Variants in CACNA1I observed in about 807,000 individuals in gnomAD.
CACNA1I encodes the protein calcium voltage-gated channel subunit alpha1 I.
A neutral mutation model predicts 201.6 loss-of-function variants in CACNA1I; 74 were observed. The observed-to-expected ratio is 0.37, with a 90% CI of 0.30 to 0.45. The LOEUF (loss-of-function observed/expected upper bound fraction) is 0.45. CACNA1I is among the 20% of genes least tolerant of loss of function. The probability of loss-of-function intolerance (pLI) is 1.00; values close to 1 mark genes in which losing one functional copy is unlikely to be tolerated. For missense variants in CACNA1I, 2,346 were observed against 3,138.1 expected (o/e 0.75, Z 6.03); for synonymous variants, 1,431 against 1,345.2 (o/e 1.06, Z -1.40).
chr22:39,676,776 G>T lies in CACNA1I; in HGVS notation c.4855-565G>T, dbSNP rs932608934. ...AGATTTCCCAGACCAGCAGATGACA[G>T]TGACAGGGATAAGTGCATTTCGGTG... On this transcript the variant is annotated intron_variant, in intron 29 of 36. Coordinates refer to ENST00000402142, the MANE Select transcript of CACNA1I (RefSeq NM_021096.4). This position sits in a 1 kb window ranked among gnomAD's most constrained non-coding sequence, Gnocchi z 4.8. Among the ~76,000 whole-genome samples, 1 of 152,214 alleles carries T rather than the reference G, an allele frequency of 6.6e-6. No homozygotes were observed. The highest frequency in any genetic ancestry group is 1.5e-5 in the Non-Finnish European group (1 of 68,044).
chr22:39,607,190 C>T (rs772075178), intron 3 of CACNA1I, among the ~76,000 whole-genome samples: 2 of 152,114 alleles, frequency 1.3e-5, no homozygotes, highest in Non-Finnish European at 2.9e-5. Flanking sequence ...GAACAGGAGG[C>T]GCCTTACATC....
chr22:39,613,094 A>G (rs970425683), intron 3 of CACNA1I, among the ~76,000 whole-genome samples: 1 of 152,240 alleles, frequency 6.6e-6, no homozygotes, highest in Non-Finnish European at 1.5e-5. Flanking sequence ...TCAGCCACAC[A>G]CAGAAATCAT....
chr22:39,611,630 C>T (rs983861228), intron 3 of CACNA1I, among the ~76,000 whole-genome samples: 24 of 152,210 alleles, frequency 1.6e-4, no homozygotes, highest in African/African-American at 5.8e-4. Flanking sequence ...AGGCAGACAT[C>T]ATGAGGCATA....
At chr22:39,633,361 C>T (rs577892898) in intron 4 of CACNA1I, among the ~76,000 whole-genome samples, 17 of 152,128 alleles carry the variant, frequency 1.1e-4, no homozygotes, top group Non-Finnish European at 2.2e-4. Context: ...TAGAATAAGA[C>T]GAGATATTGA....
chr22:39,686,169 G>C lies in CACNA1I; in HGVS notation c.6436G>C (p.Gly2146Arg). 8.1e-7 allele frequency: 1 copy of C among 1,233,728 alleles called. No homozygotes were observed. The highest frequency in any genetic ancestry group is 1.0e-6 in the Non-Finnish European group (1 of 986,278). The allele number at this position is 1,233,728 out of a possible 1,614,324, so 76.4% of individuals were successfully genotyped here. ...FCPPPPPPAP[G>R]LTPARKFSST... ...CCCGCCGCCCCCGCCGCCAGCCCCC[G>C]GCCTCACGCCCGCCAGGAAGTTCAG... The change falls in exon 37 of 37, where the codon GGC becomes CGC. Residue 2146 changes from glycine (G) to arginine (R), a missense_variant. Transcript: ENST00000402142.
At position 39,659,617 on chromosome 22, in the gene CACNA1I, G is replaced by A; in HGVS notation, c.2448+67G>A. On this transcript the variant is annotated intron_variant, in intron 13 of 36. Transcript: ENST00000402142. The surrounding 1 kb of genome is among the most constrained non-coding windows in gnomAD (Gnocchi z 4.3). ...GGGACAGTAGGCCTGGGAGGGGCGG[G>A]GCTGACAACTCCCATGCCTCCTTGT... The A allele has an allele frequency of 1.2e-6, 2 of 1,601,488 alleles. No individual in the cohort carries two copies. The highest frequency in any genetic ancestry group is 1.7e-6 in the Non-Finnish European group (2 of 1,169,044).
At chr22:39,611,399 G>T (rs193222494) in intron 3 of CACNA1I, among the ~76,000 whole-genome samples, 2 of 152,248 alleles carry the variant, frequency 1.3e-5, no homozygotes, top group African/African-American at 4.8e-5. Flanking sequence ...ACATGAAGGG[G>T]TTGTACATTT....
chr22:39,582,317 A>G (rs1271752490), intron 1 of CACNA1I, among the ~76,000 whole-genome samples: 3 of 152,030 alleles, frequency 2.0e-5, no homozygotes, highest in Admixed American at 2.0e-4. Context: ...AATCGGGGTG[A>G]CTTTGCCTGC....
chr22:39,585,985 C>G (rs893703557), intron 1 of CACNA1I, among the ~76,000 whole-genome samples: 1 of 151,872 alleles, frequency 6.6e-6, no homozygotes, highest in Non-Finnish European at 1.5e-5. Flanking sequence ...TGAGACTCTC[C>G]TGGCCAACAT....
chr22:39,632,016 G>A (rs999831234), intron 4 of CACNA1I, among the ~76,000 whole-genome samples: 4 of 152,144 alleles, frequency 2.6e-5, no homozygotes, highest in Non-Finnish European at 4.4e-5. Context: ...AGAGTGAGGC[G>A]GGTCGGGGAG....
Position 39,598,139 on chromosome 22 carries a change from C to T in CACNA1I, c.237-12C>T. ...ATCCCACCTGCTGCTTTGTCCTTGACTTGGTGTGCACGTGGTTTGAATGTG... is the reference window on the plus strand; with the variant it reads ...ATCCCACCTGCTGCTTTGTCCTTGATTTGGTGTGCACGTGGTTTGAATGTG... On this transcript the variant is annotated splice_polypyrimidine_tract_variant and intron_variant, in intron 1 of 36. Coordinates refer to ENST00000402142, the MANE Select transcript of CACNA1I (RefSeq NM_021096.4). The T allele has an allele frequency of 6.4e-7, 1 of 1,553,978 alleles. No individual in the cohort carries two copies. The highest frequency in any genetic ancestry group is 1.2e-5 in the South Asian group (1 of 85,888).
chr22:39,578,008 TG>T (rs1223532060), intron 1 of CACNA1I, among the ~76,000 whole-genome samples: 1 of 137,300 alleles, frequency 7.3e-6, no homozygotes, highest in Non-Finnish European at 1.5e-5. Context: ...AAGTGCTGAG[TG>T]GCAGCTGTGT....
chr22:39,577,680 G>A (rs1932404921), intron 1 of CACNA1I, among the ~76,000 whole-genome samples: 1 of 152,258 alleles, frequency 6.6e-6, no homozygotes, highest in African/African-American at 2.4e-5. Context: ...CCGTCGAGAG[G>A]CGCCTGTGGG....
At position 39,661,178 on chromosome 22, in the gene CACNA1I, C is replaced by G. The variant is rs1934995869; in HGVS notation, c.2769C>G (p.His923Gln). The G allele has an allele frequency of 1.2e-6, 2 of 1,612,996 alleles. No individual in the cohort carries two copies. The highest frequency in any genetic ancestry group is 1.7e-6 in the Non-Finnish European group (2 of 1,179,724). The change falls in exon 16 of 37, where the codon CAC (histidine) becomes CAG (glutamine). Residue 923 changes from histidine to glutamine, a missense_variant. Physicochemically the swap from His to Gln is conservative, Grantham distance 24 (BLOSUM62 0). This residue lies in a region of CACNA1I where 92 missense variants were observed against 114.5 expected (regional missense o/e 0.80). Transcript: ENST00000402142. ...ACCCCAGTCTCCCACTGGGTGGGCA[C>G]CTAGGTCCTGCTGGGGCTGCGGGAC... Reference protein sequence around the residue: ...HLDPSLPLGGHLGPAGAAGPA... With the variant: ...HLDPSLPLGGQLGPAGAAGPA...
At chr22:39,597,592 G>C (rs551906336) in intron 1 of CACNA1I, among the ~76,000 whole-genome samples, 23 of 152,364 alleles carry the variant, frequency 1.5e-4, no homozygotes, top group Middle Eastern at 3.4e-3. Flanking sequence ...GGCTGGGCTT[G>C]GTGCGGGTGT....
In CACNA1I at chr22:39,625,835, G is replaced by A. The variant is rs1271086964; in HGVS notation, c.580+6428G>A. Among the ~76,000 whole-genome samples, 5 of 112,436 alleles carry A rather than the reference G, an allele frequency of 4.4e-5. No homozygotes were observed. The South Asian group carries it at 1.5e-3, about 33-fold the overall frequency. The allele number at this position is 112,436 out of a possible 152,430, so 73.8% of individuals were successfully genotyped here. On this transcript the variant is annotated intron_variant, in intron 4 of 36. Transcript: ENST00000402142. ...CTGAATTATCTCTAAATGTGCCCCC[G>A]CCCCACCCCACCCCCAGCCTGTACA...
intron 10 of CACNA1I, among the ~76,000 whole-genome samples, chr22:39,650,325 A>C (rs145536093): frequency 2.6e-5 from 4 of 151,984 alleles, no homozygotes; most frequent in African/African-American, 9.7e-5. Context: ...AAAAAAATTT[A>C]AAAAACAGAT....
intron 34 of CACNA1I, 95 bp downstream of exon 34, chr22:39,681,147 C>G (rs1048442084): frequency 3.6e-6 from 5 of 1,391,322 alleles, no homozygotes; most frequent in Non-Finnish European, 3.8e-6. Flanking sequence ...TCCAGTCTAC[C>G]ATGTAAACGG....
Position 39,673,079 on chromosome 22 carries a change from C to A in CACNA1I, c.4780C>A (p.Arg1594=). The change falls in exon 28 of 37, where the codon CGA becomes AGA. Residue 1594 remains arginine (R), a synonymous_variant. Coordinates refer to ENST00000402142, the MANE Select transcript of CACNA1I (RefSeq NM_021096.4). ...IRIMRVLRIA[R]VLKLLKMATG... is the part of the protein sequence containing the mutation. The stretch of plus-strand genomic sequence containing the variant: ...CATCATGAGGGTTCTGCGCATTGCC[C>A]GAGGTGAGGGGCAAGGGGTGGGACA... The A allele has an allele frequency of 1.3e-6, 2 of 1,590,358 alleles. No homozygotes were observed. Among genetic ancestry groups the A allele is most frequent in the African/African-American group, 2.7e-5 (2 of 73,756 alleles).
Sources: allele counts gnomAD v4.1 joint callset (sites outside exome capture counted in the v4.1 genomes callset), GRCh38; gene constraint gnomAD v4.1.1; regional missense constraint gnomAD v4.1.1; non-coding constraint Gnocchi (gnomAD v3.1); transcripts MANE v1.5; gene names NCBI Gene and HGNC (gene_info 2026-07-23, HGNC 2026-07-21).